The following LMNTD1 variants were observed in gnomAD, a reference collection of about 807,000 sequenced individuals.
LMNTD1 encodes the protein lamin tail domain-containing protein 1.
In LMNTD1, 35 loss-of-function variants were observed where a neutral mutation model predicts 50.9. The observed-to-expected ratio is 0.69, with a 90% CI of 0.53 to 0.91. The LOEUF (loss-of-function observed/expected upper bound fraction) is 0.91, where lower values mean the gene tolerates loss of function less well. LMNTD1 is among the 40% of genes least tolerant of loss of function. The probability of loss-of-function intolerance (pLI) is 0.00; values close to 1 mark genes in which losing one functional copy is unlikely to be tolerated. For synonymous variants in LMNTD1, 153 were observed against 161.9 expected, an observed-to-expected ratio of 0.94 and a Z score of 0.42; for missense variants, 470 against 475.5, an observed-to-expected ratio of 0.99 and a Z score of 0.11.
At chr12:25,498,823 G>A (rs145159275) in intron 9 of LMNTD1, among the ~76,000 whole-genome samples, 1 of 152,238 alleles carries the variant, frequency 6.6e-6, no homozygotes, top group East Asian at 1.9e-4. Context: ...TCTCCTGTGT[G>A]ATGAAGGTTG....
At chr12:25,597,241 GACATAGAGTGGCTGAA>G (rs140886884) in intron 1 of LMNTD1, among the ~76,000 whole-genome samples, 9 of 151,970 alleles carry the variant, frequency 5.9e-5, no homozygotes, top group African/African-American at 1.9e-4. Context: ...CCAATCGAAA[GACATAGAGTGGCTGAA>G]ACACACTTCA....
In LMNTD1 at chr12:25,574,330, A is replaced by G. The variant is rs76222038; in HGVS notation, c.59-27776T>C. Among the ~76,000 whole-genome samples, 1,240 of 152,200 alleles carry G rather than the reference A, an allele frequency of 8.1e-3. 26 individuals are homozygous for G. Among genetic ancestry groups the G allele is most frequent in the East Asian group, 0.073 (377 of 5,176 alleles). ...CTCTAACCAAATTAATCTGTGTGGT[A>G]TCTTTGCCAGTGACCCTTGCCCTCC... On this transcript the variant is annotated intron_variant, in intron 1 of 7. Coordinates refer to the LMNTD1 transcript ENST00000445693.
chr12:25,618,655 G>A (rs1485776750), intron 1 of LMNTD1, among the ~76,000 whole-genome samples: 1 of 152,156 alleles, frequency 6.6e-6, no homozygotes, highest in Non-Finnish European at 1.5e-5. Flanking sequence ...AATCGGAGAA[G>A]CCAAGGTTGA....
At chr12:25,503,690 C>T in intron 9 of LMNTD1, 48 bp downstream of exon 9, 2 of 938,164 alleles carry the variant, frequency 2.1e-6, no homozygotes, top group South Asian at 2.8e-5. Context: ...TTACTTTAGT[C>T]ATATTATTTT....
chr12:25,555,093 T>C (rs980748799), upstream of LMNTD1, among the ~76,000 whole-genome samples: 1 of 151,694 alleles, frequency 6.6e-6, no homozygotes, highest in African/African-American at 2.4e-5. Context: ...ATTAGAATTA[T>C]ATGAACCTAA....
chr12:25,488,137 C>T (rs1236925372), intron 9 of LMNTD1, among the ~76,000 whole-genome samples: 3 of 145,632 alleles, frequency 2.1e-5, no homozygotes, highest in African/African-American at 7.5e-5. Flanking sequence ...CGAGGAGTAT[C>T]TTTGTGGCAT....
intron 8 of LMNTD1, among the ~76,000 whole-genome samples, chr12:25,507,806 A>G (rs1939928728): frequency 6.6e-6 from 1 of 152,202 alleles, no homozygotes; most frequent in Admixed American, 6.5e-5. Flanking sequence ...CTTGTGTATA[A>G]AGGAAGAATA....
chr12:25,605,100 G>C (rs1401965878), intron 1 of LMNTD1, among the ~76,000 whole-genome samples: 1 of 152,194 alleles, frequency 6.6e-6, no homozygotes, highest in East Asian at 1.9e-4. Context: ...GATGGCCAGT[G>C]ATGATGAGCA....
intron 1 of LMNTD1, among the ~76,000 whole-genome samples, chr12:25,603,268 T>C (rs1301247760): frequency 6.6e-6 from 1 of 152,076 alleles, no homozygotes; most frequent in Non-Finnish European, 1.5e-5. Flanking sequence ...AATAGGAATA[T>C]TGCAAAATGT....
intron 1 of LMNTD1, among the ~76,000 whole-genome samples, chr12:25,581,538 CTT>C (rs1945287162): frequency 6.6e-6 from 1 of 151,414 alleles, no homozygotes; most frequent in African/African-American, 2.4e-5. Flanking sequence ...ATATATTACT[CTT>C]TTGATTAAAC....
At chr12:25,620,744 C>T (rs1339526661) in intron 1 of LMNTD1, among the ~76,000 whole-genome samples, 2 of 152,188 alleles carry the variant, frequency 1.3e-5, no homozygotes, top group Non-Finnish European at 2.9e-5. Flanking sequence ...CTCCTAAAGC[C>T]TCCTGTGGAT....
At chr12:25,632,095 A>G (rs1946730977) in intron 1 of LMNTD1, among the ~76,000 whole-genome samples, 2 of 152,170 alleles carry the variant, frequency 1.3e-5, no homozygotes, top group African/African-American at 4.8e-5. Flanking sequence ...CAATCAAACA[A>G]AGACAAAGAA....
upstream of LMNTD1, among the ~76,000 whole-genome samples, chr12:25,554,505 A>T (rs1027617003): frequency 6.6e-6 from 1 of 152,204 alleles, no homozygotes; most frequent in Non-Finnish European, 1.5e-5. Context: ...TATATATGCA[A>T]TGAAAACCAA....
chr12:25,544,989 G>A (rs1037760185), intron 4 of LMNTD1, among the ~76,000 whole-genome samples: 4 of 151,720 alleles, frequency 2.6e-5, no homozygotes, highest in Non-Finnish European at 5.9e-5. Flanking sequence ...TGGGATTCAC[G>A]CTAGAGTAAT....
At chr12:25,521,979 C>T (rs961178513) in intron 6 of LMNTD1, among the ~76,000 whole-genome samples, 4 of 152,102 alleles carry the variant, frequency 2.6e-5, no homozygotes, top group Non-Finnish European at 4.4e-5. Flanking sequence ...ACATGAAAAA[C>T]GTGCCCTAAC....
intron 9 of LMNTD1, among the ~76,000 whole-genome samples, chr12:25,485,555 G>T (rs1938599356): frequency 7.3e-6 from 1 of 137,446 alleles, no homozygotes; most frequent in African/African-American, 2.8e-5. Flanking sequence ...ATTGCTTTTG[G>T]TGTTTTGGAC....
chr12:25,501,269 G>T (rs1939373783), intron 9 of LMNTD1, among the ~76,000 whole-genome samples: 1 of 152,144 alleles, frequency 6.6e-6, no homozygotes, highest in Non-Finnish European at 1.5e-5. Context: ...GGGTTTACAG[G>T]TGTGAGCCAC....
At chr12:25,550,846 C>T (rs907873539) in intron 2 of LMNTD1, among the ~76,000 whole-genome samples, 20 of 152,174 alleles carry the variant, frequency 1.3e-4, no homozygotes, top group African/African-American at 4.6e-4. Flanking sequence ...CAGACACAGA[C>T]ATCTCAGGCA....
intron 1 of LMNTD1, among the ~76,000 whole-genome samples, chr12:25,572,210 A>G (rs1944827139): frequency 6.6e-6 from 1 of 152,230 alleles, no homozygotes; most frequent in Non-Finnish European, 1.5e-5. Context: ...TCAAAAACTT[A>G]CATCTATTAT....
Sources: gnomAD v4.1 joint callset for allele counts (sites outside exome capture counted in the v4.1 genomes callset) on GRCh38, gnomAD v4.1.1 for gene constraint, MANE v1.5 for transcripts, NCBI Gene and HGNC (gene_info 2026-07-23, HGNC 2026-07-21) for gene names.